TRARG1: variants seen among roughly 807,000 people sequenced by gnomAD.
The protein encoded by TRARG1 is trafficking regulator of GLUT4 1.
Under a neutral mutation model 13.3 loss-of-function variants are expected in TRARG1, and 16 were observed. That is an observed-to-expected ratio of 1.20 (90% confidence interval 0.81 to 1.83). The LOEUF (loss-of-function observed/expected upper bound fraction) is 1.83. Ranked by LOEUF, TRARG1 falls within the 40% of genes most tolerant of loss-of-function variation. The pLI, the probability that TRARG1 is intolerant of heterozygous loss-of-function variation, is 0.00. For missense variants in TRARG1, 250 were observed against 237.4 expected, an observed-to-expected ratio of 1.05 and a Z score of -0.35; for synonymous variants, 113 against 106.2, an observed-to-expected ratio of 1.06 and a Z score of -0.39.
intron 1 of TRARG1, among the ~76,000 whole-genome samples, chr17:1,284,192 GC>G (rs2072004733): frequency 2.0e-5 from 3 of 151,856 alleles, no homozygotes; most frequent in Non-Finnish European, 4.4e-5. Context: ...CTCCATCCCT[GC>G]CCCTCCCAGC....
At chr17:1,284,022 G>A (rs899955940) in intron 1 of TRARG1, among the ~76,000 whole-genome samples, 9 of 152,026 alleles carry the variant, frequency 5.9e-5, no homozygotes, top group African/African-American at 2.2e-4. Context: ...GGCTGAGGCA[G>A]GAGAATGGCG....
intron 1 of TRARG1, among the ~76,000 whole-genome samples, chr17:1,282,275 CGT>C (rs1491333671): frequency 9.1e-5 from 3 of 32,976 alleles, no homozygotes; most frequent in Admixed American, 5.9e-4. Context: ...CATATATGCA[CGT>C]ATATGTACAT....
rs369500968 is a variant in TRARG1 at position 1,291,949 on chromosome 17, A to G, written c.388-3542A>G. On this transcript the variant is annotated intron_variant, in intron 1 of 2. Transcript: ENST00000333813. ...ATGTAGGCCAGGCGCGGTGGCTGGG[A>G]TCACCTGAGGTCGGGAGTTCAAGAC... Among the ~76,000 whole-genome samples the G allele has an allele frequency of 3.9e-5, 6 of 152,264 alleles. No individual in the cohort carries two copies. In the East Asian group the frequency reaches 9.6e-4, roughly 24 times the overall value.
intron 1 of TRARG1, among the ~76,000 whole-genome samples, chr17:1,290,133 A>C (rs2072059736): frequency 6.6e-6 from 1 of 152,158 alleles, no homozygotes; most frequent in Non-Finnish European, 1.5e-5. Flanking sequence ...ACTTCCTTCC[A>C]GTCTTTGAAA....
At chr17:1,284,832 C>T (rs926539330) in intron 1 of TRARG1, among the ~76,000 whole-genome samples, 2 of 152,038 alleles carry the variant, frequency 1.3e-5, no homozygotes, top group Non-Finnish European at 2.9e-5. Flanking sequence ...AGGCGCCCGC[C>T]ACCACACCCT....
At chr17:1,291,154 C>T (rs1276980691) in intron 1 of TRARG1, among the ~76,000 whole-genome samples, 2 of 152,100 alleles carry the variant, frequency 1.3e-5, no homozygotes, top group East Asian at 3.9e-4. Context: ...AATCCACTCA[C>T]CTCAGCCATG....
At chr17:1,291,351 T>A (rs764372697) in intron 1 of TRARG1, among the ~76,000 whole-genome samples, 4 of 152,216 alleles carry the variant, frequency 2.6e-5, no homozygotes, top group Non-Finnish European at 2.9e-5. Flanking sequence ...CTTCAGGTGA[T>A]CCACCTGCCT....
intron 1 of TRARG1, among the ~76,000 whole-genome samples, chr17:1,285,010 T>A (rs1420584420): frequency 6.6e-6 from 1 of 151,554 alleles, no homozygotes; most frequent in Non-Finnish European, 1.5e-5. Context: ...CCAGGCACCG[T>A]GTTGGCATTT....
At chr17:1,287,682 T>C (rs1177080639) in intron 1 of TRARG1, among the ~76,000 whole-genome samples, 1 of 151,270 alleles carries the variant, frequency 6.6e-6, no homozygotes, top group Non-Finnish European at 1.5e-5. Context: ...AGACAGAGTC[T>C]CGCTCTGTCA....
intron 1 of TRARG1, 129 bp from the exon 2 acceptor site, chr17:1,295,362 G>GA (rs1171641069): frequency 2.3e-5 from 28 of 1,213,456 alleles, no homozygotes; most frequent in Non-Finnish European, 2.8e-5. Flanking sequence ...CCTAGAGTGT[G>GA]GGCTGCCATG....
At position 1,279,897 on chromosome 17, in the gene TRARG1, C is replaced by A; in HGVS notation, c.-105C>A. 3.6e-6 allele frequency: 5 copies of A among 1,387,346 alleles called. No homozygotes were observed. Among genetic ancestry groups the A allele is most frequent in the Middle Eastern group, 2.6e-4 (1 of 3,910 alleles). 85.9% of individuals were successfully genotyped at this position (1,387,346 alleles called of 1,614,324 possible). On this transcript the variant is annotated 5_prime_UTR_variant, in exon 1 of 3. Coordinates refer to ENST00000333813, the MANE Select transcript of TRARG1 (RefSeq NM_172367.3). ...CCGTCTCCTGAGGGACGCCCCTGCC[C>A]CCGACCTGGAGGCCCTCAGTCTGGG...
intron 1 of TRARG1, among the ~76,000 whole-genome samples, chr17:1,285,969 A>C (rs1396888132): frequency 1.3e-5 from 2 of 152,172 alleles, no homozygotes; most frequent in Non-Finnish European, 2.9e-5. Context: ...TGAGCATGGA[A>C]GCATCCACTG....
chr17:1,282,190 ACGTGTACACGTG>A lies in TRARG1; in HGVS notation c.387+1806_387+1817del, dbSNP rs1452559589. ...TGTACGTATACACGTGCGTATATGTACGTGTACACGTGCGTATATGTACGTATACACGTGCGT... is the reference window on the plus strand; with the variant it reads ...TGTACGTATACACGTGCGTATATGTACGTATATGTACGTATACACGTGCGT... On this transcript the variant is annotated intron_variant, in intron 1 of 2. Transcript: ENST00000333813. Among the ~76,000 whole-genome samples the A allele has an allele frequency of 1.5e-3, 215 of 143,190 alleles. 4 individuals carry two copies. The highest frequency in any genetic ancestry group is 1.3e-3 in the Non-Finnish European group (90 of 67,064). The allele number at this position is 143,190 out of a possible 152,430, so 93.9% of individuals were successfully genotyped here.
rs376735352 is a variant in TRARG1, at chr17:1,298,296, G to A, written c.*32G>A. On this transcript the variant is annotated 3_prime_UTR_variant, in exon 3 of 3. Coordinates refer to ENST00000333813, the MANE Select transcript of TRARG1 (RefSeq NM_172367.3). ...GCAGGGAGCTGGGCTAGCAGAGGCC[G>A]GCCCTGGCCATCGGGAGAGCTCTGA... The A allele has an allele frequency of 1.1e-4, 184 of 1,611,416 alleles. No homozygotes were observed. The African/African-American group carries it at 1.8e-3, about 16-fold the overall frequency.
At chr17:1,284,545 C>T (rs554120606) in intron 1 of TRARG1, among the ~76,000 whole-genome samples, 7 of 152,304 alleles carry the variant, frequency 4.6e-5, no homozygotes, top group African/African-American at 1.4e-4. Flanking sequence ...CCAGAGGTGG[C>T]TCTGAAACCC....
chr17:1,287,488 G>T (rs903669664), intron 1 of TRARG1, among the ~76,000 whole-genome samples: 17 of 151,782 alleles, frequency 1.1e-4, no homozygotes, highest in African/African-American at 3.9e-4. Flanking sequence ...AGCCTCCTAA[G>T]TAGCTGGGAC....
At chr17:1,292,278 C>T (rs960230473) in intron 1 of TRARG1, among the ~76,000 whole-genome samples, 20 of 152,358 alleles carry the variant, frequency 1.3e-4, no homozygotes, top group African/African-American at 4.8e-4. Flanking sequence ...GGGATGGCCT[C>T]AGCCACCATC....
rs56071414 is a variant in TRARG1, at chr17:1,280,347, G to T, written c.346G>T (p.Val116Phe). 5 of 1,611,248 alleles carry T rather than the reference G, an allele frequency of 3.1e-6. No homozygotes were observed. The Admixed American group carries it at 5.0e-5, about 16-fold the overall frequency. ...ILAVVACFCP[V>F]WPLNLIPLII... ...GGCCGTCGTCGCCTGCTTCTGCCCC[G>T]TCTGGCCCCTCAACCTCATCCCCCT... is the stretch of plus-strand genomic sequence containing the variant. The change falls in exon 1 of 3, where the codon GTC becomes TTC. Residue 116 changes from valine (V) to phenylalanine (F), a missense_variant. Val to Phe is a conservative substitution (Grantham distance 50). Coordinates refer to ENST00000333813, the MANE Select transcript of TRARG1 (RefSeq NM_172367.3).
chr17:1,281,662 C>G (rs8079748), intron 1 of TRARG1, among the ~76,000 whole-genome samples: 1 of 152,096 alleles, frequency 6.6e-6, no homozygotes, highest in Non-Finnish European at 1.5e-5. Flanking sequence ...ACCTGGGGAC[C>G]GCTTGCAGGT....
Sources: allele counts gnomAD v4.1 joint callset (sites outside exome capture counted in the v4.1 genomes callset), GRCh38; gene constraint gnomAD v4.1.1; transcripts MANE v1.5; gene names NCBI Gene and HGNC (gene_info 2026-07-23, HGNC 2026-07-21).